NRDC: variants seen among roughly 807,000 people sequenced by gnomAD.
The protein encoded by NRDC is nardilysin convertase, also known as nardilysin.
A neutral mutation model predicts 147.1 loss-of-function variants in NRDC; 54 were observed. The ratio of observed to expected loss-of-function variants is 0.37; its 90% CI spans 0.29 to 0.46. The LOEUF (loss-of-function observed/expected upper bound fraction) is 0.46. Ranked by LOEUF, NRDC falls within the 20% of genes least tolerant of loss-of-function variation. The pLI is 1.00. For synonymous variants in NRDC, 440 were observed against 482.1 expected, an observed-to-expected ratio of 0.91 and a Z score of 1.14; for missense variants, 1,082 against 1,370.6, an observed-to-expected ratio of 0.79 and a Z score of 3.33.
At chr1:51,803,595 C>CT (rs1350418675) in intron 20 of NRDC, among the ~76,000 whole-genome samples, 1 of 152,090 alleles carries the variant, frequency 6.6e-6, no homozygotes, top group Non-Finnish European at 1.5e-5. Context: ...AATCCTAAAG[C>CT]ATGGGCTATA....
chr1:51,834,168 C>T lies in NRDC; in HGVS notation c.715G>A (p.Val239Ile). The change falls in exon 4 of 31, where the codon GTA (valine) becomes ATA (isoleucine). Residue 239 changes from valine (V) to isoleucine (I), a missense_variant and splice_region_variant. By Grantham distance (29) the Val-to-Ile change is conservative. Coordinates refer to ENST00000352171, the MANE Select transcript of NRDC (RefSeq NM_001101662.2). ...PGLAHFLEHM[V>I]FMGSLKYPDE... ...GGATATTTCAAACTACCCATGAATACCACTAAATGGAAAGAACACAAAGTC... is the reference window on the plus strand; with the variant it reads ...GGATATTTCAAACTACCCATGAATATCACTAAATGGAAAGAACACAAAGTC... 1 of 1,613,452 alleles carries T rather than the reference C, an allele frequency of 6.2e-7. No individual in the cohort carries two copies. The highest frequency in any genetic ancestry group is 8.5e-7 in the Non-Finnish European group (1 of 1,179,832).
Position 51,816,363 on chromosome 1 carries a change from C to T in NRDC, c.1388G>A (p.Trp463Ter). 6.3e-7 allele frequency: 1 copy of T among 1,597,418 alleles called. No homozygotes were observed. The highest frequency in any genetic ancestry group is 8.5e-7 in the Non-Finnish European group (1 of 1,171,482). Residue 463 changes from tryptophan (W) to a stop codon, truncating the protein, a stop_gained, in exon 11 of 31, where the codon TGG becomes TAG. Coordinates refer to ENST00000352171, the MANE Select transcript of NRDC (RefSeq NM_001101662.2). LOFTEE classifies it high-confidence loss of function. ...GCCTTTGCCTTCATGTCCAACCAGC[C>T]AGGATATATAATGAAGTGGCTTCAC... Reference protein sequence around the residue: ...YRVKPLHYISWLVGHEGKGSI... With the variant: ...YRVKPLHYIS
chr1:51,851,546 G>GAA (rs199712684), intron 1 of NRDC, among the ~76,000 whole-genome samples: 16 of 141,014 alleles, frequency 1.1e-4, no homozygotes, highest in South Asian at 6.8e-4. Flanking sequence ...TGGGCCCAAG[G>GAA]AAAAAAAAAA....
At chr1:51,813,371 T>C (rs1450079144) in intron 14 of NRDC, among the ~76,000 whole-genome samples, 1 of 152,134 alleles carries the variant, frequency 6.6e-6, no homozygotes, top group African/African-American at 2.4e-5. Context: ...TGAGGAAACA[T>C]AGTCGGATTT....
intron 1 of NRDC, among the ~76,000 whole-genome samples, chr1:51,847,174 T>C (rs1681677971): frequency 6.6e-6 from 1 of 152,174 alleles, no homozygotes; most frequent in Admixed American, 6.5e-5. Context: ...TCACAAACCC[T>C]GAGCTAGACA....
At chr1:51,789,964 G>A in intron 29 of NRDC, 1 of 373,896 alleles carries the variant, frequency 2.7e-6, no homozygotes, top group Non-Finnish European at 4.9e-6. Flanking sequence ...CATGGTAGCT[G>A]CATACCACGG....
At chr1:51,837,380 C>T in intron 2 of NRDC, 1 of 1,101,682 alleles carries the variant, frequency 9.1e-7, no homozygotes. Flanking sequence ...TACTATAAAC[C>T]CCATTTTGAA....
At chr1:51,861,511 A>AT (rs375203399) in intron 1 of NRDC, among the ~76,000 whole-genome samples, 1 of 149,418 alleles carries the variant, frequency 6.7e-6, no homozygotes, top group African/African-American at 2.5e-5. Context: ...TATTATTATT[A>AT]TTTTTTTTTA....
chr1:51,866,949 T>C (rs540977871), intron 1 of NRDC, among the ~76,000 whole-genome samples: 2 of 152,178 alleles, frequency 1.3e-5, no homozygotes, highest in Non-Finnish European at 2.9e-5. Context: ...TTTGTTTCTA[T>C]ATATATGTAT....
In NRDC at chr1:51,805,758, C is replaced by T. The variant is rs183098115; in HGVS notation, c.2111-197G>A. Reference sequence around the variant, plus strand: ...CAAATAAAGAGTTCCAAAAGGCACTCTTTAATCTATGGGAAGACCAGACAT... The same window carrying T: ...CAAATAAAGAGTTCCAAAAGGCACTTTTTAATCTATGGGAAGACCAGACAT... On this transcript the variant is annotated intron_variant, in intron 18 of 30. Transcript: ENST00000352171. Among the ~76,000 whole-genome samples, 223 of 152,190 alleles carry T rather than the reference C, an allele frequency of 1.5e-3. 1 individual carries two copies. The highest frequency in any genetic ancestry group is 4.1e-3 in the South Asian group (20 of 4,822).
chr1:51,820,124 CT>C (rs1275145622), intron 8 of NRDC, among the ~76,000 whole-genome samples: 2 of 152,180 alleles, frequency 1.3e-5, no homozygotes, highest in East Asian at 1.9e-4. Flanking sequence ...AAAGGACCCC[CT>C]CTCACCCCAA....
In NRDC at chr1:51,800,603, C is replaced by A. The variant is rs774355699; in HGVS notation, c.2394G>T (p.Leu798Phe). Residue 798 changes from leucine (L) to phenylalanine (F), a missense_variant, in exon 21 of 31, where the codon TTG (leucine) becomes TTT (phenylalanine). Transcript: ENST00000352171. Reference sequence around the variant, plus strand: ...TGAGGATGTTAAAGTAGGTCTTCTTCAACTGCTCAGTTATCATTGTAAAGA... The same window carrying A: ...TGAGGATGTTAAAGTAGGTCTTCTTAAACTGCTCAGTTATCATTGTAAAGA... ...PAVFTMITEQ[L>F]KKTYFNILIK... is the part of the protein sequence containing the mutation. 3 of 1,614,032 alleles carry A rather than the reference C, an allele frequency of 1.9e-6. No individual in the cohort carries two copies. The highest frequency in any genetic ancestry group is 2.5e-6 in the Non-Finnish European group (3 of 1,179,938).
In NRDC at chr1:51,801,933, G is replaced by A. The variant is rs567323434; in HGVS notation, c.2314-1250C>T. Among the ~76,000 whole-genome samples the A allele has an allele frequency of 2.0e-5, 3 of 152,056 alleles. No homozygotes were observed. In the South Asian group the frequency reaches 6.2e-4, roughly 32 times the overall value. ...CTCCCGAGTAGCTGAGACTACAGGC[G>A]CCTGCCACCACGCCTGGCAAATTTT... On this transcript the variant is annotated intron_variant, in intron 20 of 30. Transcript: ENST00000352171.
Position 51,797,044 on chromosome 1 carries a change from CA to C in NRDC, c.2604+1204del, listed in dbSNP as rs553024165. Reference sequence around the variant, plus strand: ...TGAAATCCCATCTCTGCTAAAAATACAAAAAATTAGCTGGGTGAGGTGGCAG... The same window carrying C: ...TGAAATCCCATCTCTGCTAAAAATACAAAAATTAGCTGGGTGAGGTGGCAG... On this transcript the variant is annotated intron_variant, in intron 22 of 30. Coordinates refer to ENST00000352171, the MANE Select transcript of NRDC (RefSeq NM_001101662.2). Among the ~76,000 whole-genome samples the C allele has an allele frequency of 2.0e-5, 3 of 151,580 alleles. No homozygotes were observed. In the South Asian group the frequency reaches 6.3e-4, roughly 32 times the overall value.
At position 51,810,415 on chromosome 1, in the gene NRDC, G is replaced by C; in HGVS notation, c.1780-11C>G. 1 of 1,606,354 alleles carries C rather than the reference G, an allele frequency of 6.2e-7. No homozygotes were observed. The highest frequency in any genetic ancestry group is 8.5e-7 in the Non-Finnish European group (1 of 1,176,948). On this transcript the variant is annotated splice_polypyrimidine_tract_variant and intron_variant, in intron 15 of 30. Coordinates refer to ENST00000352171, the MANE Select transcript of NRDC (RefSeq NM_001101662.2). ...GGCTTCACCAATGACCTAGTAAAGT[G>C]GGAAGAGGGGAAAGAGATACACACA...
Position 51,789,417 on chromosome 1 carries a change from T to G in NRDC, c.3275A>C (p.Lys1092Thr). The G allele has an allele frequency of 6.2e-7, 1 of 1,614,094 alleles. No homozygotes were observed. Among genetic ancestry groups the G allele is most frequent in the Non-Finnish European group, 8.5e-7 (1 of 1,179,990 alleles). ...MLSVHVVGYG[K>T]YELEEDGTPS... The stretch of plus-strand genomic sequence containing the variant: ...GGTACCATCCTCTTCCAGTTCATAC[T>G]TCCCATATCCAACAACCTGAAAGAG... The change falls in exon 31 of 31, where the codon AAG (lysine) becomes ACG (threonine). Residue 1092 changes from lysine (K) to threonine (T), a missense_variant. Physicochemically the swap from Lys to Thr is moderately conservative, Grantham distance 78. Coordinates refer to ENST00000352171, the MANE Select transcript of NRDC (RefSeq NM_001101662.2).
At chr1:51,875,856 A>AC (rs894372886) in intron 1 of NRDC, among the ~76,000 whole-genome samples, 1 of 148,352 alleles carries the variant, frequency 6.7e-6, no homozygotes, top group Non-Finnish European at 1.5e-5. Flanking sequence ...ACAGTCTCTA[A>AC]TTTTTTTTTT....
At chr1:51,865,219 A>G (rs1194730099) in intron 1 of NRDC, among the ~76,000 whole-genome samples, 1 of 152,096 alleles carries the variant, frequency 6.6e-6, no homozygotes, top group Non-Finnish European at 1.5e-5. Context: ...CAATTTATAA[A>G]AGGAGAAATC....
intron 1 of NRDC, among the ~76,000 whole-genome samples, chr1:51,869,186 G>A (rs6662110): frequency 0.92 from 140,700 of 152,152 alleles, 65,101 homozygotes; most frequent in East Asian, 1. Flanking sequence ...ATGATCTCCA[G>A]CGATCCTCCT....
Sources: allele counts gnomAD v4.1 joint callset (sites outside exome capture counted in the v4.1 genomes callset), GRCh38; gene constraint gnomAD v4.1.1; transcripts MANE v1.5; gene names NCBI Gene and HGNC (gene_info 2026-07-23, HGNC 2026-07-21).